Variants in JAZF1 observed in about 807,000 individuals in gnomAD.
JAZF1 encodes the protein juxtaposed with another zinc finger protein 1.
In JAZF1, 8 loss-of-function variants were observed where a neutral mutation model predicts 26.4. The ratio of observed to expected loss-of-function variants is 0.30; its 90% confidence interval spans 0.18 to 0.55. JAZF1 has a LOEUF of 0.55. JAZF1 is among the 20% of genes least tolerant of loss of function. The pLI, the probability that JAZF1 is intolerant of heterozygous loss-of-function variation, is 0.94. For synonymous variants in JAZF1, 126 were observed against 122.3 expected (o/e 1.03, Z -0.20); for missense variants, 199 against 322.0 (o/e 0.62, Z 2.92).
At chr7:27,989,772 A>C (rs1340458644) in intron 2 of JAZF1, among the ~76,000 whole-genome samples, 1 of 152,236 alleles carries the variant, frequency 6.6e-6, no homozygotes, top group Non-Finnish European at 1.5e-5. Context: ...ATCATCAAAA[A>C]GTCAGGAAAC....
intron 3 of JAZF1, among the ~76,000 whole-genome samples, chr7:27,854,390 T>C (rs546556408): frequency 6.6e-6 from 1 of 152,260 alleles, no homozygotes; most frequent in Admixed American, 6.5e-5. Context: ...TATTGTTATG[T>C]ATGAATTTGA....
At chr7:28,056,475 C>CACACACACACAA (rs71555731) in intron 1 of JAZF1, among the ~76,000 whole-genome samples, 14 of 120,002 alleles carry the variant, frequency 1.2e-4, no homozygotes, top group African/African-American at 3.6e-4. Context: ...CACACACACA[C>CACACACACACAA]AATAAGAAAG....
chr7:28,163,781 A>G (rs1175658816), intron 1 of JAZF1, among the ~76,000 whole-genome samples: 1 of 152,168 alleles, frequency 6.6e-6, no homozygotes, highest in African/African-American at 2.4e-5. Context: ...CTCCTGTTTA[A>G]AGAGTACCGT....
intron 3 of JAZF1, among the ~76,000 whole-genome samples, chr7:27,846,134 C>G (rs1783026206): frequency 6.6e-6 from 1 of 152,108 alleles, no homozygotes; most frequent in African/African-American, 2.4e-5. Flanking sequence ...CTTCCCTCCA[C>G]CCCACAACCA....
intron 1 of JAZF1, among the ~76,000 whole-genome samples, chr7:28,000,602 CT>C (rs1786128625): frequency 5.9e-5 from 1 of 16,848 alleles, no homozygotes; most frequent in Non-Finnish European, 3.4e-4. Flanking sequence ...TTTTCTTTTT[CT>C]TTCTTTCTTT....
At chr7:28,037,972 G>A (rs1168485615) in intron 1 of JAZF1, among the ~76,000 whole-genome samples, 2 of 152,114 alleles carry the variant, frequency 1.3e-5, no homozygotes, top group African/African-American at 4.8e-5. Context: ...ACTAGAAATG[G>A]GCAGAGAGAT....
intron 3 of JAZF1, among the ~76,000 whole-genome samples, chr7:27,882,124 C>G (rs1354130588): frequency 6.6e-6 from 1 of 152,132 alleles, no homozygotes; most frequent in East Asian, 1.9e-4. Flanking sequence ...GGGCCTGTAA[C>G]TACTTAGAAT....
At chr7:28,096,081 A>G (rs536429373) in intron 1 of JAZF1, among the ~76,000 whole-genome samples, 50 of 152,342 alleles carry the variant, frequency 3.3e-4, no homozygotes, top group African/African-American at 1.2e-3. Flanking sequence ...GGGGGCACAA[A>G]CATTCCATAG....
At chr7:28,169,620 G>A (rs2127954088) in intron 1 of JAZF1, among the ~76,000 whole-genome samples, 1 of 152,234 alleles carries the variant, frequency 6.6e-6, no homozygotes, top group South Asian at 2.1e-4. Flanking sequence ...AACTGTTGAG[G>A]CCAAGCTTTC....
chr7:28,132,152 G>A (rs561538654), intron 1 of JAZF1, among the ~76,000 whole-genome samples: 1 of 152,130 alleles, frequency 6.6e-6, no homozygotes, highest in African/African-American at 2.4e-5. Context: ...TTGAAAACAT[G>A]TGAGCTATTG....
At chr7:27,932,279 G>T (rs1057253226) in intron 2 of JAZF1, among the ~76,000 whole-genome samples, 1 of 152,194 alleles carries the variant, frequency 6.6e-6, no homozygotes, top group Non-Finnish European at 1.5e-5. Context: ...ATGAAAGGAG[G>T]CATGTGTTGT....
chr7:27,880,812 A>T (rs1031052976), intron 3 of JAZF1, among the ~76,000 whole-genome samples: 1 of 152,078 alleles, frequency 6.6e-6, no homozygotes, highest in African/African-American at 2.4e-5. Flanking sequence ...CCACAGGCAC[A>T]TGCCACTGCA....
chr7:28,170,952 T>A (rs1482264763), intron 1 of JAZF1, among the ~76,000 whole-genome samples: 2 of 152,176 alleles, frequency 1.3e-5, no homozygotes, highest in African/African-American at 4.8e-5. Context: ...GCATAATGCA[T>A]ATTAAAGCAA....
At chr7:28,152,849 G>C (rs1783130821) in intron 1 of JAZF1, among the ~76,000 whole-genome samples, 1 of 152,142 alleles carries the variant, frequency 6.6e-6, no homozygotes, top group Non-Finnish European at 1.5e-5. Flanking sequence ...AGTGGAAAAA[G>C]TACAAGAAAG....
At chr7:27,982,266 C>T (rs1785601138) in intron 2 of JAZF1, among the ~76,000 whole-genome samples, 2 of 152,184 alleles carry the variant, frequency 1.3e-5, no homozygotes, top group Non-Finnish European at 2.9e-5. Flanking sequence ...CTGCACTTTT[C>T]CAACAGCCTT....
At chr7:27,869,666 T>C (rs948670822) in intron 3 of JAZF1, among the ~76,000 whole-genome samples, 1 of 152,174 alleles carries the variant, frequency 6.6e-6, no homozygotes, top group Non-Finnish European at 1.5e-5. Flanking sequence ...GCCAGGAAGA[T>C]GTCCCACCTG....
At chr7:28,095,489 T>C (rs139033335) in intron 1 of JAZF1, among the ~76,000 whole-genome samples, 29 of 152,074 alleles carry the variant, frequency 1.9e-4, no homozygotes, top group African/African-American at 6.8e-4. Flanking sequence ...GAGAACAGCA[T>C]GGGGGAAACC....
At chr7:27,997,964 A>C (rs534286211) in intron 1 of JAZF1, among the ~76,000 whole-genome samples, 1 of 151,376 alleles carries the variant, frequency 6.6e-6, no homozygotes, top group Non-Finnish European at 1.5e-5. Context: ...GAGAAACCAG[A>C]ACAAACAAAT....
chr7:28,103,164 T>G (rs1784500635), intron 1 of JAZF1, among the ~76,000 whole-genome samples: 1 of 152,216 alleles, frequency 6.6e-6, no homozygotes, highest in Admixed American at 6.5e-5. Context: ...CCCTCCTTCT[T>G]GGTCTCCTTT....
Sources: allele counts gnomAD v4.1 joint callset (sites outside exome capture counted in the v4.1 genomes callset), GRCh38; gene constraint gnomAD v4.1.1; transcripts MANE v1.5; gene names NCBI Gene and HGNC (gene_info 2026-07-23, HGNC 2026-07-21).